Variants in KSR2 observed in about 807,000 individuals in gnomAD.
KSR2 encodes the protein kinase suppressor of ras 2.
A neutral mutation model predicts 107.8 loss-of-function variants in KSR2; 25 were observed. The observed-to-expected ratio is 0.23, with a 90% CI of 0.17 to 0.32. KSR2 has a LOEUF of 0.32. Among genes scored for constraint, KSR2 ranks in the 10% least tolerant of loss-of-function variants. The pLI is 1.00. For missense variants in KSR2, 887 were observed against 1,268.9 expected, an observed-to-expected ratio of 0.70 and a Z score of 4.57; for synonymous variants, 480 against 507.0, an observed-to-expected ratio of 0.95 and a Z score of 0.71.
chr12:117,891,334 T>G (rs956140832), intron 1 of KSR2, among the ~76,000 whole-genome samples: 13 of 151,568 alleles, frequency 8.6e-5, no homozygotes, highest in Admixed American at 5.3e-4. Context: ...GAGAATTGCT[T>G]GAACCCAGGA....
At chr12:117,688,216 C>T (rs546115861) in intron 4 of KSR2, among the ~76,000 whole-genome samples, 1 of 152,092 alleles carries the variant, frequency 6.6e-6, no homozygotes, top group Non-Finnish European at 1.5e-5. Context: ...CCCGTCTCTA[C>T]GAAAAATACA....
chr12:117,470,322 T>C (rs770445959), intron 18 of KSR2, among the ~76,000 whole-genome samples: 1 of 151,878 alleles, frequency 6.6e-6, no homozygotes, highest in Admixed American at 6.5e-5. Context: ...CATCCACCCA[T>C]CATGCATGCA....
intron 1 of KSR2, among the ~76,000 whole-genome samples, chr12:117,926,230 G>A (rs1163896285): frequency 6.6e-6 from 1 of 152,076 alleles, no homozygotes; most frequent in Non-Finnish European, 1.5e-5. Context: ...AAGGGGAGGA[G>A]AAAACCCAGC....
chr12:117,721,070 C>T (rs770627401), intron 4 of KSR2, among the ~76,000 whole-genome samples: 3 of 152,154 alleles, frequency 2.0e-5, no homozygotes, highest in Non-Finnish European at 4.4e-5. Flanking sequence ...AGTTCATAAG[C>T]TCAATACCTT....
At chr12:117,861,378 CTTTTTTTTTTTTT>C (rs5801257) in intron 1 of KSR2, among the ~76,000 whole-genome samples, 1 of 81,684 alleles carries the variant, frequency 1.2e-5, no homozygotes, top group East Asian at 3.4e-4. Context: ...TCCCAATTCG[CTTTTTTTTTTTTT>C]TTTTTTTTTT....
chr12:117,712,063 C>T (rs1381614361), intron 4 of KSR2, among the ~76,000 whole-genome samples: 3 of 152,184 alleles, frequency 2.0e-5, no homozygotes, highest in Non-Finnish European at 4.4e-5. Flanking sequence ...CTCCCAGGTC[C>T]AGAAAAGGGG....
intron 16 of KSR2, among the ~76,000 whole-genome samples, chr12:117,481,820 A>G (rs1872193135): frequency 6.6e-6 from 1 of 152,118 alleles, no homozygotes; most frequent in Admixed American, 6.5e-5. Context: ...TCAGGGCCAT[A>G]GATGCCCCTT....
chr12:117,595,244 T>G (rs912821250), intron 5 of KSR2, among the ~76,000 whole-genome samples: 6 of 152,226 alleles, frequency 3.9e-5, no homozygotes, highest in African/African-American at 1.4e-4. Context: ...AAGGAGTTTA[T>G]TTATTTATTT....
intron 5 of KSR2, among the ~76,000 whole-genome samples, chr12:117,614,992 A>AT (rs1309662121): frequency 6.6e-6 from 1 of 151,836 alleles, no homozygotes; most frequent in East Asian, 1.9e-4. Flanking sequence ...AATCTATTCC[A>AT]TGCTCTATCT....
At chr12:117,800,452 T>C (rs914738426) in intron 3 of KSR2, among the ~76,000 whole-genome samples, 12 of 152,212 alleles carry the variant, frequency 7.9e-5, no homozygotes, top group African/African-American at 2.9e-4. Context: ...AAAGAAGCCT[T>C]GGGGAGCTGG....
intron 4 of KSR2, among the ~76,000 whole-genome samples, chr12:117,758,850 G>C (rs980198094): frequency 1.3e-5 from 2 of 152,104 alleles, no homozygotes; most frequent in African/African-American, 4.8e-5. Context: ...CTGGGAAAGG[G>C]ACAGGGAGAA....
chr12:117,772,334 A>G (rs1427561174), intron 3 of KSR2, among the ~76,000 whole-genome samples: 1 of 144,480 alleles, frequency 6.9e-6, no homozygotes, highest in Non-Finnish European at 1.5e-5. Flanking sequence ...ACACTCACAC[A>G]TACACACCAT....
chr12:117,835,917 G>A (rs975455484), intron 3 of KSR2, among the ~76,000 whole-genome samples: 1 of 151,586 alleles, frequency 6.6e-6, no homozygotes, highest in Non-Finnish European at 1.5e-5. Flanking sequence ...GATTAACGAT[G>A]AGCACTGTTG....
intron 5 of KSR2, among the ~76,000 whole-genome samples, chr12:117,630,731 G>C (rs1002507223): frequency 2.6e-5 from 4 of 152,152 alleles, no homozygotes; most frequent in African/African-American, 9.7e-5. Flanking sequence ...AATTGGCAGA[G>C]GGTAGGGACG....
intron 5 of KSR2, among the ~76,000 whole-genome samples, chr12:117,621,451 T>C (rs61938994): frequency 0.024 from 3,704 of 152,306 alleles, 56 homozygotes; most frequent in Non-Finnish European, 0.037. Flanking sequence ...TGCATTCACA[T>C]AGGCAGGTTA....
chr12:117,485,753 A>G, intron 14 of KSR2, 62 bp from the exon 15 acceptor site: 1 of 1,090,682 alleles, frequency 9.2e-7, no homozygotes, highest in Non-Finnish European at 1.4e-6. Context: ...GACCCACAAC[A>G]GTTACTACAA....
chr12:117,573,665 T>C (rs1565906930), intron 7 of KSR2, among the ~76,000 whole-genome samples: 1 of 151,714 alleles, frequency 6.6e-6, no homozygotes, highest in Non-Finnish European at 1.5e-5. Context: ...GTAGCTGGGA[T>C]TACAGGCGCC....
intron 5 of KSR2, among the ~76,000 whole-genome samples, chr12:117,628,884 T>C (rs1047016522): frequency 1.4e-4 from 21 of 152,240 alleles, no homozygotes; most frequent in Admixed American, 2.6e-4. Context: ...AGCTGCTTTG[T>C]TTACCTACTC....
chr12:117,646,154 A>G (rs1051922758), intron 5 of KSR2, among the ~76,000 whole-genome samples: 7 of 152,214 alleles, frequency 4.6e-5, no homozygotes, highest in Non-Finnish European at 1.0e-4. Flanking sequence ...GAAAAAAGTC[A>G]GTACATGTTC....
Sources: allele counts gnomAD v4.1 joint callset (sites outside exome capture counted in the v4.1 genomes callset), GRCh38; gene constraint gnomAD v4.1.1; transcripts MANE v1.5; gene names NCBI Gene and HGNC (gene_info 2026-07-23, HGNC 2026-07-21).